Variants in ARHGAP6 observed in about 807,000 individuals in gnomAD.
The protein encoded by ARHGAP6 is Rho GTPase activating protein 6, also known as rho GTPase-activating protein 6.
In ARHGAP6, 16 loss-of-function variants were observed where a neutral mutation model predicts 55.7. That is an observed-to-expected ratio of 0.29 (90% CI 0.19 to 0.44). ARHGAP6 has a LOEUF of 0.44. Among genes scored for constraint, ARHGAP6 ranks in the 20% least tolerant of loss-of-function variants. The probability of loss-of-function intolerance (pLI) is 1.00; values close to 1 mark genes in which losing one functional copy is unlikely to be tolerated. For missense variants in ARHGAP6, 698 were observed against 808.9 expected (o/e 0.86, Z 1.66); for synonymous variants, 382 against 360.9 (o/e 1.06, Z -0.66).
At chrX:11,586,385 C>T (rs1413867504) in intron 1 of ARHGAP6, among the ~76,000 whole-genome samples, 1 of 111,898 alleles carries the variant, frequency 8.9e-6, no homozygotes, top group East Asian at 2.8e-4. Flanking sequence ...TCAATCTCTG[C>T]ATATGGCTAG....
chrX:11,297,281 G>A (rs1380533456), intron 1 of ARHGAP6, among the ~76,000 whole-genome samples: 2 of 111,961 alleles, frequency 1.8e-5, no homozygotes, highest in East Asian at 5.6e-4. Flanking sequence ...AGTGGTATAG[G>A]AGAGACTCCG....
intron 2 of ARHGAP6, among the ~76,000 whole-genome samples, chrX:11,201,642 C>T (rs967439799): frequency 2.7e-5 from 3 of 111,844 alleles, no homozygotes; most frequent in African/African-American, 9.8e-5. Flanking sequence ...GCTGGGGAGG[C>T]CTCAGGAAAC....
chrX:11,202,271 C>T (rs1041902629), intron 2 of ARHGAP6, among the ~76,000 whole-genome samples: 5 of 110,518 alleles, frequency 4.5e-5, no homozygotes, highest in African/African-American at 1.6e-4. Flanking sequence ...CAGAGACCTT[C>T]TGCCTAAGCA....
chrX:11,381,815 T>C (rs2049266502), intron 1 of ARHGAP6, among the ~76,000 whole-genome samples: 1 of 112,311 alleles, frequency 8.9e-6, no homozygotes, highest in Admixed American at 9.4e-5. Flanking sequence ...CACTTTTGTA[T>C]ACAAGGTCTT....
chrX:11,603,200 G>A (rs1274789489), intron 1 of ARHGAP6, among the ~76,000 whole-genome samples: 1 of 111,567 alleles, frequency 9.0e-6, no homozygotes, highest in Non-Finnish European at 1.9e-5. Flanking sequence ...TTTAAGCCCT[G>A]AGCAAAAATT....
chrX:11,320,742 C>A (rs1452388840), intron 1 of ARHGAP6, among the ~76,000 whole-genome samples: 1 of 103,908 alleles, frequency 9.6e-6, no homozygotes, highest in Non-Finnish European at 2.0e-5. Context: ...GTGTGTTTTG[C>A]TCAATTCAAA....
At chrX:11,164,032 T>C (rs1048929921) in intron 9 of ARHGAP6, among the ~76,000 whole-genome samples, 9 of 112,799 alleles carry the variant, frequency 8.0e-5, no homozygotes, top group Non-Finnish European at 1.9e-5. Flanking sequence ...GAGCAGACTA[T>C]AGCAGAACAT....
chrX:11,320,044 C>T (rs1306005808), intron 1 of ARHGAP6, among the ~76,000 whole-genome samples: 2 of 112,181 alleles, frequency 1.8e-5, no homozygotes, highest in Non-Finnish European at 3.8e-5. Context: ...CACCATATCA[C>T]TTCAAGTAAA....
At chrX:11,411,951 T>C (rs950965428) in intron 1 of ARHGAP6, among the ~76,000 whole-genome samples, 2 of 111,354 alleles carry the variant, frequency 1.8e-5, no homozygotes, top group African/African-American at 6.5e-5. Flanking sequence ...ACAGTCACTC[T>C]CCTTTCCCAA....
chrX:11,182,326 T>C (rs1484283173), intron 5 of ARHGAP6, among the ~76,000 whole-genome samples: 1 of 112,129 alleles, frequency 8.9e-6, no homozygotes, highest in Admixed American at 9.5e-5. Flanking sequence ...AATTTTACGT[T>C]AAATGTTTCT....
At chrX:11,248,909 G>A (rs1433717025) in intron 2 of ARHGAP6, among the ~76,000 whole-genome samples, 5 of 111,455 alleles carry the variant, frequency 4.5e-5, no homozygotes, top group South Asian at 7.5e-4. Flanking sequence ...CAGTAATCTC[G>A]CTACTGGGCA....
rs754295175 is a variant in ARHGAP6 at position 11,577,905 on chromosome X, G to C, written c.588+86336C>G. 8.1e-5 allele frequency among the ~76,000 whole-genome samples: 9 copies of C among 111,009 alleles called. No individual in the cohort carries two copies. The South Asian group carries it at 3.5e-3, about 43-fold the overall frequency. Reference sequence around the variant, plus strand: ...CCGATACCTATATTGCCTCCTTTCTGGTCCCCAGCCTATGACTGTCTCAGG... The same window carrying C: ...CCGATACCTATATTGCCTCCTTTCTCGTCCCCAGCCTATGACTGTCTCAGG... On this transcript the variant is annotated intron_variant, in intron 1 of 12. Coordinates refer to ENST00000337414, the MANE Select transcript of ARHGAP6 (RefSeq NM_013427.3).
Position 11,138,779 on chromosome X carries a change from G to C in ARHGAP6, c.*84C>G, listed in dbSNP as rs2045577973. 2 of 978,630 alleles carry C rather than the reference G, an allele frequency of 2.0e-6. No individual in the cohort carries two copies. Among genetic ancestry groups the C allele is most frequent in the Admixed American group, 6.3e-5 (2 of 31,624 alleles). 80.7% of individuals were successfully genotyped at this position (978,630 alleles called of 1,213,427 possible). The stretch of plus-strand genomic sequence containing the variant: ...GAGAAGTGTGAAAGAAGAACACTAA[G>C]TGTGCCAGTGGCCACCACCCACGGT... On this transcript the variant is annotated 3_prime_UTR_variant, in exon 13 of 13. Coordinates refer to ENST00000337414, the MANE Select transcript of ARHGAP6 (RefSeq NM_013427.3).
At chrX:11,185,342 C>G (rs1202018777) in intron 5 of ARHGAP6, among the ~76,000 whole-genome samples, 1 of 111,653 alleles carries the variant, frequency 9.0e-6, no homozygotes, top group Non-Finnish European at 1.9e-5. Flanking sequence ...ATATGTTATC[C>G]TATGATTTCC....
chrX:11,590,877 A>AAGAAAAGAAG (rs1569411019), intron 1 of ARHGAP6, among the ~76,000 whole-genome samples: 15 of 67,300 alleles, frequency 2.2e-4, no homozygotes, highest in Non-Finnish European at 4.1e-4. Flanking sequence ...AAGGAAAGAA[A>AAGAAAAGAAG]GAAAGAAAGA....
Position 11,450,203 on chromosome X carries a change from AGTGTGTGTGT to A in ARHGAP6, c.589-195506_589-195497del, listed in dbSNP as rs34050296. Among the ~76,000 whole-genome samples, 257 of 90,171 alleles carry A rather than the reference AGTGTGTGTGT, an allele frequency of 2.9e-3. 2 individuals are homozygous for A. Among genetic ancestry groups the A allele is most frequent in the Middle Eastern group, 0.024 (4 of 168 alleles). 78.3% of individuals were successfully genotyped at this position (90,171 alleles called of 115,157 possible). ...AATCCCCTTTGTAGAACAAATAATA[AGTGTGTGTGT>A]GTGTGTGTGTGTGTGTGTGTGTGTG... On this transcript the variant is annotated intron_variant, in intron 1 of 12. Coordinates refer to ENST00000337414, the MANE Select transcript of ARHGAP6 (RefSeq NM_013427.3).
chrX:11,518,472 T>C (rs192286869), intron 1 of ARHGAP6, among the ~76,000 whole-genome samples: 2 of 101,386 alleles, frequency 2.0e-5, no homozygotes, highest in East Asian at 6.1e-4. Flanking sequence ...CTTTTTTTTT[T>C]TTTTTTTTGA....
At chrX:11,418,391 G>A (rs1440707823) in intron 1 of ARHGAP6, among the ~76,000 whole-genome samples, 1 of 111,534 alleles carries the variant, frequency 9.0e-6, no homozygotes, top group Admixed American at 9.6e-5. Context: ...TCAAGCACAG[G>A]TTAGACCATT....
intron 1 of ARHGAP6, among the ~76,000 whole-genome samples, chrX:11,497,604 A>G (rs1490574782): frequency 2.4e-5 from 2 of 83,258 alleles, no homozygotes; most frequent in East Asian, 7.9e-4. Flanking sequence ...ATGTGAGGAC[A>G]CAATAAGAAA....
Sources: allele counts gnomAD v4.1 joint callset (sites outside exome capture counted in the v4.1 genomes callset), GRCh38; gene constraint gnomAD v4.1.1; transcripts MANE v1.5; gene names NCBI Gene and HGNC (gene_info 2026-07-23, HGNC 2026-07-21).